HS3ST3A1: variants seen among roughly 807,000 people sequenced by gnomAD.
HS3ST3A1 encodes heparan sulfate-glucosamine 3-sulfotransferase 3A1.
HS3ST3A1 carries 19 observed loss-of-function variants against 25.7 expected under a neutral mutation model. That is an observed-to-expected ratio of 0.74 (90% CI 0.52 to 1.08). The LOEUF (loss-of-function observed/expected upper bound fraction) is 1.08, where lower values mean the gene tolerates loss of function less well. Ranked by LOEUF, HS3ST3A1 falls within the 50% of genes least tolerant of loss-of-function variation. The pLI is 0.00. For synonymous variants in HS3ST3A1, 226 were observed against 278.6 expected, an observed-to-expected ratio of 0.81 and a Z score of 1.88; for missense variants, 459 against 594.3, an observed-to-expected ratio of 0.77 and a Z score of 2.37.
intron 1 of HS3ST3A1, among the ~76,000 whole-genome samples, chr17:13,535,250 T>G (rs1388982244): frequency 6.6e-6 from 1 of 152,188 alleles, no homozygotes. Flanking sequence ...TGCTATACCT[T>G]GTGCCTGAAG....
At chr17:13,529,024 T>G in intron 1 of HS3ST3A1, among the ~76,000 whole-genome samples, 1 of 152,074 alleles carries the variant, frequency 6.6e-6, no homozygotes, top group East Asian at 1.9e-4. Context: ...CTCCTATTGG[T>G]TTGTAGACTC....
Position 13,541,652 on chromosome 17 carries a change from T to C in HS3ST3A1, c.600-44834A>G, listed in dbSNP as rs1238867573. Among the ~76,000 whole-genome samples, 3 of 152,200 alleles carry C rather than the reference T, an allele frequency of 2.0e-5. No homozygotes were observed. The East Asian group carries it at 5.8e-4, about 29-fold the overall frequency. ...CTTGCTCCTTAAGGAGTCTCTTTCTTTAGTAGAATCATACCCTTTGCCTTA... is the reference window on the plus strand; with the variant it reads ...CTTGCTCCTTAAGGAGTCTCTTTCTCTAGTAGAATCATACCCTTTGCCTTA... On this transcript the variant is annotated intron_variant, in intron 1 of 1. Coordinates refer to ENST00000284110, the MANE Select transcript of HS3ST3A1 (RefSeq NM_006042.3).
At chr17:13,497,550 G>T (rs1905325404) in intron 1 of HS3ST3A1, among the ~76,000 whole-genome samples, 1 of 152,304 alleles carries the variant, frequency 6.6e-6, no homozygotes, top group Admixed American at 6.5e-5. Context: ...TGACAAATGA[G>T]ATATCACTTT....
At chr17:13,538,341 A>C (rs999507663) in intron 1 of HS3ST3A1, among the ~76,000 whole-genome samples, 1 of 152,236 alleles carries the variant, frequency 6.6e-6, no homozygotes, top group Admixed American at 6.5e-5. Context: ...TTAGCCACAG[A>C]AGTGATCTGA....
Position 13,601,066 on chromosome 17 carries a change from A to G in HS3ST3A1, c.64T>C (p.Phe22Leu). Reference sequence around the variant, plus strand: ...CAGAGCATCAGCAAGAACTTCCGGAAGATGCTGCGGGACAGCGGCTCGGCC... The same window carrying G: ...CAGAGCATCAGCAAGAACTTCCGGAGGATGCTGCGGGACAGCGGCTCGGCC... ...TSAEPLSRSI[F>L]RKFLLMLCSL... Residue 22 changes from phenylalanine to leucine, a missense_variant, in exon 1 of 2, where the codon TTC becomes CTC. Transcript: ENST00000284110. 1 of 1,598,850 alleles carries G rather than the reference A, an allele frequency of 6.3e-7. No homozygotes were observed. The highest frequency in any genetic ancestry group is 8.5e-7 in the Non-Finnish European group (1 of 1,173,580).
At chr17:13,510,986 A>G (rs1905842255) in intron 1 of HS3ST3A1, among the ~76,000 whole-genome samples, 1 of 152,256 alleles carries the variant, frequency 6.6e-6, no homozygotes, top group African/African-American at 2.4e-5. Flanking sequence ...TAATGTCATC[A>G]TGAAATGAGG....
intron 1 of HS3ST3A1, among the ~76,000 whole-genome samples, chr17:13,545,362 T>C (rs1297363002): frequency 6.6e-6 from 1 of 152,250 alleles, no homozygotes; most frequent in Admixed American, 6.5e-5. Flanking sequence ...CTTCCCCCAG[T>C]AACTCCTCAC....
intron 1 of HS3ST3A1, among the ~76,000 whole-genome samples, chr17:13,527,850 C>G (rs929335028): frequency 1.3e-5 from 2 of 152,126 alleles, no homozygotes; most frequent in African/African-American, 4.8e-5. Context: ...TCACAAAAGG[C>G]TAATATTTAA....
At position 13,593,233 on chromosome 17, in the gene HS3ST3A1, C is replaced by CAAAAAAAAAAAAAAA. The variant is rs5819419; in HGVS notation, c.599+7283_599+7297dup. Reference sequence around the variant, plus strand: ...CACCTGTTCCTTCTATGTTTGTAGCCAAAAAAAAAAAAAAAAAAAAGTCAT... The same window carrying CAAAAAAAAAAAAAAA: ...CACCTGTTCCTTCTATGTTTGTAGCCAAAAAAAAAAAAAAAAAAAAAAAAAAAAAAAAAAAGTCAT... On this transcript the variant is annotated intron_variant, in intron 1 of 1. Coordinates refer to ENST00000284110, the MANE Select transcript of HS3ST3A1 (RefSeq NM_006042.3). 7.4e-4 allele frequency among the ~76,000 whole-genome samples: 76 copies of CAAAAAAAAAAAAAAA among 103,144 alleles called. 4 individuals are homozygous for CAAAAAAAAAAAAAAA. The highest frequency in any genetic ancestry group is 1.2e-3 in the Non-Finnish European group (64 of 51,276). 67.7% of individuals were successfully genotyped at this position (103,144 alleles called of 152,430 possible). A position where few individuals can be genotyped will look rare whatever the true frequency, so the allele number is the denominator to read the frequency against.
chr17:13,596,358 C>T (rs1241479658), intron 1 of HS3ST3A1, among the ~76,000 whole-genome samples: 1 of 151,442 alleles, frequency 6.6e-6, no homozygotes, highest in East Asian at 2.0e-4. Context: ...CTCATAAATT[C>T]CATCATTGTC....
intron 1 of HS3ST3A1, among the ~76,000 whole-genome samples, chr17:13,517,589 T>C (rs1906097119): frequency 6.6e-6 from 1 of 152,202 alleles, no homozygotes; most frequent in East Asian, 1.9e-4. Context: ...ACTTGAGATA[T>C]TGCAGAGTGA....
intron 1 of HS3ST3A1, among the ~76,000 whole-genome samples, chr17:13,524,383 G>A (rs1210709455): frequency 6.6e-6 from 1 of 152,038 alleles, no homozygotes; most frequent in Non-Finnish European, 1.5e-5. Context: ...TCAGCCTCCT[G>A]AGTAGCTGAG....
intron 1 of HS3ST3A1, among the ~76,000 whole-genome samples, chr17:13,591,795 A>G (rs1908433207): frequency 6.6e-6 from 1 of 151,664 alleles, no homozygotes; most frequent in African/African-American, 2.4e-5. Flanking sequence ...AGTAGCTGGG[A>G]TTACAGGGCG....
chr17:13,574,759 CA>C (rs1426918791), intron 1 of HS3ST3A1, among the ~76,000 whole-genome samples: 1 of 75,718 alleles, frequency 1.3e-5, no homozygotes, highest in Non-Finnish European at 2.5e-5. Flanking sequence ...CACACACACA[CA>C]AAAAACACAC....
Position 13,574,077 on chromosome 17 carries a change from C to T in HS3ST3A1, c.599+26454G>A, listed in dbSNP as rs575860318. Among the ~76,000 whole-genome samples, 65 of 151,850 alleles carry T rather than the reference C, an allele frequency of 4.3e-4. No individual in the cohort carries two copies. The South Asian group carries it at 0.013, about 31-fold the overall frequency. Reference sequence around the variant, plus strand: ...CCATTCCCTAATGCAGTTCTCACCCCAGTACTCTCTATCCTTGTGCTCAAT... The same window carrying T: ...CCATTCCCTAATGCAGTTCTCACCCTAGTACTCTCTATCCTTGTGCTCAAT... On this transcript the variant is annotated intron_variant, in intron 1 of 1. Coordinates refer to ENST00000284110, the MANE Select transcript of HS3ST3A1 (RefSeq NM_006042.3).
chr17:13,557,342 CA>C (rs1907410805), intron 1 of HS3ST3A1, among the ~76,000 whole-genome samples: 1 of 152,008 alleles, frequency 6.6e-6, no homozygotes, highest in Admixed American at 6.6e-5. Flanking sequence ...AACATTTAAG[CA>C]TGAGTCAACA....
At chr17:13,585,851 T>G (rs1480657261) in intron 1 of HS3ST3A1, among the ~76,000 whole-genome samples, 1 of 137,996 alleles carries the variant, frequency 7.2e-6, no homozygotes, top group Non-Finnish European at 1.6e-5. Context: ...TTTTTTTTTT[T>G]TTTTTTTTTT....
intron 1 of HS3ST3A1, among the ~76,000 whole-genome samples, chr17:13,599,526 C>A (rs1684194640): frequency 6.6e-6 from 1 of 151,580 alleles, no homozygotes; most frequent in African/African-American, 2.4e-5. Context: ...CTTTTATGAA[C>A]AAGATAAACT....
chr17:13,573,576 C>A (rs1216762096), intron 1 of HS3ST3A1, among the ~76,000 whole-genome samples: 2 of 152,156 alleles, frequency 1.3e-5, no homozygotes, highest in African/African-American at 4.8e-5. Context: ...TGGTCCAGGT[C>A]TTCATCGCCA....
Sources: allele counts gnomAD v4.1 joint callset (sites outside exome capture counted in the v4.1 genomes callset), GRCh38; gene constraint gnomAD v4.1.1; transcripts MANE v1.5; gene names NCBI Gene and HGNC (gene_info 2026-07-23, HGNC 2026-07-21).